The following DGKI variants were observed in gnomAD, a reference collection of about 807,000 sequenced individuals.
DGKI encodes diacylglycerol kinase iota, also known as DAG kinase iota.
DGKI carries 55 observed loss-of-function variants against 147.5 expected under a neutral mutation model. The observed-to-expected ratio is 0.37, with a 90% CI of 0.30 to 0.47. The LOEUF (loss-of-function observed/expected upper bound fraction) is 0.47. Among genes scored for constraint, DGKI ranks in the 20% least tolerant of loss-of-function variants. The pLI is 1.00. For synonymous variants in DGKI, 469 were observed against 477.1 expected (o/e 0.98, Z 0.22); for missense variants, 1,007 against 1,323.8 (o/e 0.76, Z 3.71).
At chr7:137,451,712 C>A (rs1395739218) in intron 27 of DGKI, among the ~76,000 whole-genome samples, 1 of 152,130 alleles carries the variant, frequency 6.6e-6, no homozygotes, top group Non-Finnish European at 1.5e-5. Flanking sequence ...ATATACTTTA[C>A]AATAGGTTTT....
At chr7:137,837,683 C>G (rs1798425112) in intron 1 of DGKI, among the ~76,000 whole-genome samples, 1 of 152,192 alleles carries the variant, frequency 6.6e-6, no homozygotes, top group Admixed American at 6.5e-5. Flanking sequence ...TCTGCAGCCC[C>G]AAAGAGGGTC....
At chr7:137,636,990 T>C (rs906106143) in intron 6 of DGKI, among the ~76,000 whole-genome samples, 1 of 152,174 alleles carries the variant, frequency 6.6e-6, no homozygotes, top group Non-Finnish European at 1.5e-5. Context: ...AATAATCCTC[T>C]CTTCTTTATA....
At chr7:137,840,290 A>C (rs1798510031) in intron 1 of DGKI, among the ~76,000 whole-genome samples, 1 of 152,224 alleles carries the variant, frequency 6.6e-6, no homozygotes, top group Non-Finnish European at 1.5e-5. Context: ...ACCAAAGTCA[A>C]TCAGATGAGC....
chr7:137,607,008 C>T (rs1034820898), intron 10 of DGKI, among the ~76,000 whole-genome samples: 4 of 152,126 alleles, frequency 2.6e-5, no homozygotes, highest in Non-Finnish European at 2.9e-5. Flanking sequence ...CAAGGGCTAT[C>T]GGGGCATAGT....
rs1211310086 is a variant in DGKI at position 137,483,433 on chromosome 7, CT to C, written c.2373+1940del. ...AGCTCTTACCTTTAAAAGGACTATG[CT>C]TTTTTTATTTTAATTTTTATTTTAA... On this transcript the variant is annotated intron_variant, in intron 23 of 32. Coordinates refer to ENST00000614521, the MANE Select transcript of DGKI (RefSeq NM_001321708.2). Among the ~76,000 whole-genome samples the C allele has an allele frequency of 4.6e-5, 7 of 152,004 alleles. No individual in the cohort carries two copies. In the East Asian group the frequency reaches 9.7e-4, roughly 21 times the overall value.
At chr7:137,698,158 A>G (rs1309585147) in intron 1 of DGKI, among the ~76,000 whole-genome samples, 2 of 151,526 alleles carry the variant, frequency 1.3e-5, no homozygotes, top group Non-Finnish European at 2.9e-5. Context: ...ATATATATAT[A>G]TATATCTCCA....
chr7:137,805,161 T>TTTTA (rs1421553002), intron 1 of DGKI, among the ~76,000 whole-genome samples: 1 of 152,170 alleles, frequency 6.6e-6, no homozygotes, highest in Non-Finnish European at 1.5e-5. Flanking sequence ...TTCTCCCTCG[T>TTTTA]TTTATTTATG....
At chr7:137,817,582 C>T (rs974544955) in intron 1 of DGKI, among the ~76,000 whole-genome samples, 4 of 152,168 alleles carry the variant, frequency 2.6e-5, no homozygotes, top group African/African-American at 9.7e-5. Flanking sequence ...CACCTTCCCC[C>T]AATACAGTCC....
intron 19 of DGKI, among the ~76,000 whole-genome samples, chr7:137,569,645 C>T (rs1204157088): frequency 5.0e-5 from 7 of 141,372 alleles, no homozygotes; most frequent in African/African-American, 8.1e-5. Flanking sequence ...AGGAGAATGG[C>T]GTGAACCCAG....
chr7:137,419,190 G>C (rs1378017922), intron 28 of DGKI, among the ~76,000 whole-genome samples: 1 of 152,154 alleles, frequency 6.6e-6, no homozygotes, highest in Non-Finnish European at 1.5e-5. Context: ...CCCGGAAAAA[G>C]TTTCATGAAT....
chr7:137,465,793 A>C (rs1814630960), intron 26 of DGKI, 115 bp downstream of exon 26: 14 of 1,382,718 alleles, frequency 1.0e-5, no homozygotes, highest in Non-Finnish European at 1.3e-5. Flanking sequence ...ACACAACAAG[A>C]AAATCTACAC....
intron 10 of DGKI, among the ~76,000 whole-genome samples, chr7:137,604,323 T>A (rs1382336906): frequency 6.6e-6 from 1 of 152,166 alleles, no homozygotes; most frequent in Admixed American, 6.5e-5. Context: ...TTTCCAGTAC[T>A]GCAAAAAAGT....
chr7:137,559,232 C>T lies in DGKI; in HGVS notation c.1948-6664G>A, dbSNP rs554050601. Among the ~76,000 whole-genome samples, 710 of 150,398 alleles carry T rather than the reference C, an allele frequency of 4.7e-3. 4 individuals are homozygous for T. Among genetic ancestry groups the T allele is most frequent in the Non-Finnish European group, 6.7e-3 (452 of 67,668 alleles). On this transcript the variant is annotated intron_variant, in intron 19 of 32. Transcript: ENST00000614521. ...GACTACAGGCGCCCGCCACTACGCC[C>T]GGCTAATTTTTTGTATTTTTAGTAG...
chr7:137,731,823 G>C (rs771534473), intron 1 of DGKI, among the ~76,000 whole-genome samples: 6 of 152,064 alleles, frequency 3.9e-5, no homozygotes, highest in Middle Eastern at 3.4e-3. Flanking sequence ...ATTAATCCCA[G>C]AATTGCCAAG....
chr7:137,646,487 G>C (rs1332119952), intron 5 of DGKI, among the ~76,000 whole-genome samples: 1 of 152,094 alleles, frequency 6.6e-6, no homozygotes, highest in Non-Finnish European at 1.5e-5. Flanking sequence ...AGCACTCCTG[G>C]GGCAGAGTCA....
intron 32 of DGKI, 124 bp downstream of exon 32, chr7:137,395,474 T>C (rs1811515286): frequency 1.2e-6 from 1 of 831,038 alleles, no homozygotes; most frequent in East Asian, 2.6e-5. Context: ...TTTCCTCCTT[T>C]TTCCAAAGCC....
chr7:137,441,274 A>G (rs1813492694), intron 28 of DGKI, among the ~76,000 whole-genome samples: 1 of 151,898 alleles, frequency 6.6e-6, no homozygotes, highest in Non-Finnish European at 1.5e-5. Flanking sequence ...ACAAAAAATT[A>G]GCCGGGCATG....
intron 8 of DGKI, among the ~76,000 whole-genome samples, chr7:137,619,029 C>T (rs1820648181): frequency 6.6e-6 from 1 of 152,122 alleles, no homozygotes; most frequent in South Asian, 2.1e-4. Flanking sequence ...GTAGGACCAC[C>T]ATATCATTTA....
chr7:137,398,220 T>G (rs1364583348), intron 30 of DGKI, among the ~76,000 whole-genome samples: 1 of 152,188 alleles, frequency 6.6e-6, no homozygotes, highest in Non-Finnish European at 1.5e-5. Flanking sequence ...GAATGGGTAA[T>G]GGGATTTATC....
Sources: allele counts gnomAD v4.1 joint callset (sites outside exome capture counted in the v4.1 genomes callset), GRCh38; gene constraint gnomAD v4.1.1; transcripts MANE v1.5; gene names NCBI Gene and HGNC (gene_info 2026-07-23, HGNC 2026-07-21).